LIMS1: variants seen among roughly 807,000 people sequenced by gnomAD.
LIMS1 encodes LIM and senescent cell antigen-like-containing domain protein 1.
A neutral mutation model predicts 44.1 loss-of-function variants in LIMS1; 18 were observed. The ratio of observed to expected loss-of-function variants is 0.41; its 90% CI spans 0.28 to 0.61. LIMS1 has a LOEUF of 0.61. Among genes scored for constraint, LIMS1 ranks in the 20% least tolerant of loss-of-function variants. LIMS1 has a pLI of 0.32. For missense variants in LIMS1, 201 were observed against 422.0 expected, an observed-to-expected ratio of 0.48 and a Z score of 4.59; for synonymous variants, 93 against 149.1, an observed-to-expected ratio of 0.62 and a Z score of 2.74.
At chr2:108,552,397 T>C (rs1684782688) in intron 1 of LIMS1, among the ~76,000 whole-genome samples, 1 of 144,756 alleles carries the variant, frequency 6.9e-6, no homozygotes, top group Admixed American at 7.0e-5. Flanking sequence ...CTATATATAC[T>C]ATATATACTT....
At chr2:108,612,821 A>G (rs1573448652) in intron 1 of LIMS1, among the ~76,000 whole-genome samples, 1 of 151,910 alleles carries the variant, frequency 6.6e-6, no homozygotes, top group African/African-American at 2.4e-5. Context: ...CAGTGTTTAC[A>G]CTCCGGGGCT....
At chr2:108,574,281 A>C (rs533275050) in intron 1 of LIMS1, among the ~76,000 whole-genome samples, 1 of 152,296 alleles carries the variant, frequency 6.6e-6, no homozygotes, top group South Asian at 2.1e-4. Context: ...AAGAGATTAA[A>C]GCTTTGGGAA....
intron 1 of LIMS1, among the ~76,000 whole-genome samples, chr2:108,561,909 A>G (rs1685138501): frequency 1.3e-5 from 2 of 151,638 alleles, no homozygotes; most frequent in Admixed American, 1.3e-4. Flanking sequence ...TGCCCAGCTA[A>G]TTTTTGTACT....
At chr2:108,536,852 A>G (rs769095019) in intron 1 of LIMS1, among the ~76,000 whole-genome samples, 4 of 152,078 alleles carry the variant, frequency 2.6e-5, no homozygotes, top group Non-Finnish European at 4.4e-5. Flanking sequence ...CAGCCTCCCA[A>G]AGTGCTGGAA....
chr2:108,665,787 G>T (rs1204078985), intron 2 of LIMS1, among the ~76,000 whole-genome samples: 1 of 152,040 alleles, frequency 6.6e-6, no homozygotes, highest in Non-Finnish European at 1.5e-5. Flanking sequence ...GCCTTCCAAA[G>T]TGCTGAGATT....
At chr2:108,663,208 TC>T (rs1013114019) in intron 2 of LIMS1, among the ~76,000 whole-genome samples, 1 of 152,098 alleles carries the variant, frequency 6.6e-6, no homozygotes, top group African/African-American at 2.4e-5. Context: ...AGCCTTGACT[TC>T]CTGGGCTCAA....
intron 2 of LIMS1, among the ~76,000 whole-genome samples, chr2:108,669,973 A>G (rs550529409): frequency 5.3e-5 from 8 of 152,192 alleles, no homozygotes; most frequent in African/African-American, 1.4e-4. Context: ...ATAAATGTTA[A>G]CCTTTACAGC....
At chr2:108,609,844 CTTAAAAATATT>C (rs201488293) in intron 1 of LIMS1, among the ~76,000 whole-genome samples, 8,200 of 151,952 alleles carry the variant, frequency 0.054, 371 homozygotes, top group Non-Finnish European at 0.075. Flanking sequence ...TTTTTTTTAA[CTTAAAAATATT>C]TTATTGGCCG....
chr2:108,535,964 G>T (rs1382606433), intron 1 of LIMS1, among the ~76,000 whole-genome samples: 1 of 151,612 alleles, frequency 6.6e-6, no homozygotes, highest in African/African-American at 2.4e-5. Context: ...AAGAGTCAAA[G>T]CTCAAGATTT....
chr2:108,667,944 C>G (rs1392213233), intron 2 of LIMS1, among the ~76,000 whole-genome samples: 1 of 151,988 alleles, frequency 6.6e-6, no homozygotes, highest in Non-Finnish European at 1.5e-5. Context: ...TTTTATTTTT[C>G]TATTGGTATT....
intron 1 of LIMS1, chr2:108,588,268 A>G: frequency 3.7e-6 from 3 of 811,070 alleles, no homozygotes; most frequent in Non-Finnish European, 4.1e-6. Context: ...GACTAAATAC[A>G]GGAAAAAAAA....
chr2:108,604,530 T>C (rs992648037), intron 1 of LIMS1, among the ~76,000 whole-genome samples: 6 of 152,244 alleles, frequency 3.9e-5, no homozygotes, highest in Admixed American at 3.3e-4. Context: ...TTCAGATCTT[T>C]TATCCTTAGC....
intron 3 of LIMS1, among the ~76,000 whole-genome samples, chr2:108,671,812 G>T (rs1441891017): frequency 4.6e-5 from 7 of 152,286 alleles, no homozygotes; most frequent in Non-Finnish European, 7.4e-5. Context: ...AAATGTGGCT[G>T]TTGAATCAAA....
chr2:108,558,314 T>G (rs937848055), intron 1 of LIMS1, among the ~76,000 whole-genome samples: 6 of 151,618 alleles, frequency 4.0e-5, no homozygotes, highest in African/African-American at 9.7e-5. Context: ...ACCTCGTGGG[T>G]TCACGCCATT....
intron 1 of LIMS1, among the ~76,000 whole-genome samples, chr2:108,633,608 T>G (rs1689050788): frequency 1.3e-5 from 2 of 152,222 alleles, no homozygotes; most frequent in Non-Finnish European, 2.9e-5. Context: ...TTTTTGCTTT[T>G]TCATTTATGA....
chr2:108,601,791 A>G (rs1025050900), intron 1 of LIMS1, among the ~76,000 whole-genome samples: 7 of 152,252 alleles, frequency 4.6e-5, no homozygotes, highest in Non-Finnish European at 8.8e-5. Flanking sequence ...TGCTGGGATT[A>G]TAGGTGTGAG....
At chr2:108,681,339 C>G (rs1283859239) in intron 9 of LIMS1, 3 of 984,668 alleles carry the variant, frequency 3.0e-6, no homozygotes, top group Non-Finnish European at 3.6e-6. Flanking sequence ...ACACTCCATA[C>G]TTAATACAGT....
At chr2:108,669,795 A>G (rs547950026) in intron 2 of LIMS1, among the ~76,000 whole-genome samples, 1 of 152,196 alleles carries the variant, frequency 6.6e-6, no homozygotes, top group East Asian at 1.9e-4. Context: ...TTCTAGTGGA[A>G]AGCCATATTG....
intron 1 of LIMS1, among the ~76,000 whole-genome samples, chr2:108,539,748 A>C (rs1273088222): frequency 6.6e-6 from 1 of 152,128 alleles, no homozygotes; most frequent in Non-Finnish European, 1.5e-5. Context: ...TAAACCATTT[A>C]ACACCATGCC....
Sources: allele counts gnomAD v4.1 joint callset (sites outside exome capture counted in the v4.1 genomes callset), GRCh38; gene constraint gnomAD v4.1.1; transcripts MANE v1.5; gene names NCBI Gene and HGNC (gene_info 2026-07-23, HGNC 2026-07-21).